Variants in NSD1 observed in about 807,000 individuals in gnomAD.
The protein encoded by NSD1 is nuclear receptor binding SET domain protein 1.
Under a neutral mutation model 242.7 loss-of-function variants are expected in NSD1, and 26 were observed. The ratio of observed to expected loss-of-function variants is 0.11; its 90% CI spans 0.08 to 0.15. The LOEUF is 0.15. NSD1 is among the 10% of genes least tolerant of loss of function. The pLI is 1.00. For synonymous variants in NSD1, 1,106 were observed against 1,178.1 expected (o/e 0.94, Z 1.25); for missense variants, 2,495 against 3,272.8 (o/e 0.76, Z 5.80).
intron 5 of NSD1, among the ~76,000 whole-genome samples, chr5:177,214,666 AC>A (rs201732876): frequency 2.8e-5 from 3 of 106,546 alleles, no homozygotes; most frequent in African/African-American, 7.2e-5. Flanking sequence ...TGACAGGATC[AC>A]CTTTTTTTTT....
At chr5:177,158,286 TTTCTTTCTTTC>T (rs1245866333) in intron 2 of NSD1, among the ~76,000 whole-genome samples, 9 of 87,422 alleles carry the variant, frequency 1.0e-4, no homozygotes, top group African/African-American at 4.2e-4. Flanking sequence ...TCTTTCTTTC[TTTCTTTCTTTC>T]TTTCTTTTCT....
chr5:177,213,129 G>C (rs1283690833), intron 5 of NSD1, among the ~76,000 whole-genome samples: 1 of 152,206 alleles, frequency 6.6e-6, no homozygotes, highest in Non-Finnish European at 1.5e-5. Context: ...GTACCTAGCA[G>C]CAGATGGAAA....
chr5:177,230,939 G>A (rs143482065), intron 5 of NSD1, among the ~76,000 whole-genome samples: 154 of 152,226 alleles, frequency 1.0e-3, no homozygotes, highest in African/African-American at 3.6e-3. Flanking sequence ...GGGGGTTAGT[G>A]ATGGATGGGG....
At chr5:177,250,643 G>A (rs574824255) in intron 11 of NSD1, among the ~76,000 whole-genome samples, 2 of 151,374 alleles carry the variant, frequency 1.3e-5, no homozygotes, top group African/African-American at 4.9e-5. Flanking sequence ...CTATTTTTCA[G>A]TTTTTATATG....
chr5:177,215,396 G>A (rs752426947), intron 5 of NSD1, among the ~76,000 whole-genome samples: 3 of 151,358 alleles, frequency 2.0e-5, no homozygotes, highest in East Asian at 2.0e-4. Flanking sequence ...GGCTGGTGTC[G>A]AACTCCTGAC....
chr5:177,135,487 G>A lies in NSD1; in HGVS notation c.384G>A (p.Gln128=). The A allele has an allele frequency of 6.2e-7, 1 of 1,614,166 alleles. No homozygotes were observed. Among genetic ancestry groups the A allele is most frequent in the Non-Finnish European group, 8.5e-7 (1 of 1,180,040 alleles). ...PGGPTALAMK[Q]EPSCNNSPEL... ...GTCCTACAGCACTTGCTATGAAACA[G>A]GAACCCTCTTGTAATAACTCCCCTG... The change falls in exon 2 of 23, where the codon CAG becomes CAA. Residue 128 remains glutamine (Q), a synonymous_variant. Transcript: ENST00000439151.
At chr5:177,237,496 A>AT (rs11315002) in intron 6 of NSD1, among the ~76,000 whole-genome samples, 24,772 of 147,984 alleles carry the variant, frequency 0.17, 2,728 homozygotes, top group Middle Eastern at 0.26. Flanking sequence ...TGGTTAAAAA[A>AT]ATATATATAT....
intron 2 of NSD1, among the ~76,000 whole-genome samples, chr5:177,164,453 G>A (rs765574932): frequency 2.0e-5 from 3 of 151,766 alleles, no homozygotes; most frequent in African/African-American, 4.8e-5. Flanking sequence ...CACTGCGCCC[G>A]GGCTCAAAAT....
chr5:177,242,770 C>A, intron 8 of NSD1, among the ~76,000 whole-genome samples: 1 of 152,132 alleles, frequency 6.6e-6, no homozygotes, highest in Non-Finnish European at 1.5e-5. Flanking sequence ...CTCAGGTGAT[C>A]CGCCTGCCTC....
chr5:177,273,901 G>C (rs913301037), intron 17 of NSD1, 117 bp downstream of exon 17: 2 of 708,714 alleles, frequency 2.8e-6, no homozygotes, highest in Non-Finnish European at 5.0e-6. Context: ...GTAGAGGTAT[G>C]AGCTTAAAAG....
intron 3 of NSD1, among the ~76,000 whole-genome samples, chr5:177,202,435 G>A (rs778861791): frequency 3.3e-5 from 5 of 152,140 alleles, no homozygotes; most frequent in Admixed American, 6.5e-5. Context: ...GTGGAGTGCA[G>A]TGGCGTGATA....
rs894267520 is a variant in NSD1, at chr5:177,296,191, G to A, written c.*732G>A. ...AAGGGTGCTGCATTGAGGCCAGCAA[G>A]GCTGTTGGCTGTGGGGTCGCCGCTG... On this transcript the variant is annotated 3_prime_UTR_variant, in exon 23 of 23. Coordinates refer to ENST00000439151, the MANE Select transcript of NSD1 (RefSeq NM_022455.5). 1 of 236,712 alleles carries A rather than the reference G, an allele frequency of 4.2e-6. No homozygotes were observed. Among genetic ancestry groups the A allele is most frequent in the African/African-American group, 2.2e-5 (1 of 45,378 alleles). The allele number at this position is 236,712 out of a possible 1,614,324, so 14.7% of individuals were successfully genotyped here. A position where few individuals can be genotyped will look rare whatever the true frequency, so the allele number is the denominator to read the frequency against.
chr5:177,174,104 C>A (rs971371168), intron 2 of NSD1, among the ~76,000 whole-genome samples: 11 of 151,656 alleles, frequency 7.3e-5, no homozygotes, highest in African/African-American at 2.7e-4. Context: ...CGGTGGCTCA[C>A]GCCTGTAATC....
At chr5:177,169,715 C>G (rs773348541) in intron 2 of NSD1, 1 of 152,134 alleles carries the variant, frequency 6.6e-6, no homozygotes, top group Non-Finnish European at 1.5e-5. Flanking sequence ...ATAAAATAAA[C>G]AAGTAATAAG....
At chr5:177,151,550 G>A (rs1280807329) in intron 2 of NSD1, among the ~76,000 whole-genome samples, 4 of 151,818 alleles carry the variant, frequency 2.6e-5, no homozygotes, top group African/African-American at 7.3e-5. Flanking sequence ...CACCACGCCC[G>A]GCTAATTTTT....
chr5:177,257,539 A>G (rs1362823184), intron 13 of NSD1, among the ~76,000 whole-genome samples: 1 of 151,616 alleles, frequency 6.6e-6, no homozygotes, highest in African/African-American at 2.4e-5. Context: ...CCGGCAACAG[A>G]TATTTTCAAA....
At chr5:177,141,484 C>G (rs1756816173) in intron 2 of NSD1, among the ~76,000 whole-genome samples, 1 of 151,568 alleles carries the variant, frequency 6.6e-6, no homozygotes, top group Admixed American at 6.6e-5. Context: ...GCGCCCTCCA[C>G]CATGCTTGGC....
In NSD1 at chr5:177,151,481, C is replaced by T. The variant is rs533902759; in HGVS notation, c.927+15451C>T. On this transcript the variant is annotated intron_variant, in intron 2 of 22. Coordinates refer to ENST00000439151, the MANE Select transcript of NSD1 (RefSeq NM_022455.5). ...TCGGCTCCCTGCAACTTCTGCCTCC[C>T]GGGTTCAAGCGATTCACCTACCTCA... 4.5e-4 allele frequency among the ~76,000 whole-genome samples: 69 copies of T among 152,096 alleles called. 3 individuals are homozygous for T. The East Asian group carries it at 0.013, about 28-fold the overall frequency.
chr5:177,295,558 G>T lies in NSD1; in HGVS notation c.*99G>T, dbSNP rs1351517205. The T allele has an allele frequency of 1.3e-5, 16 of 1,214,748 alleles. No homozygotes were observed. The highest frequency in any genetic ancestry group is 3.0e-5 in the African/African-American group (2 of 66,318). The allele number at this position is 1,214,748 out of a possible 1,614,324, so 75.2% of individuals were successfully genotyped here. ...TTCCCCCTTAAAAAAAAACACATCT[G>T]CCCCGAACACTTTCCCACTGTTATT... On this transcript the variant is annotated 3_prime_UTR_variant, in exon 23 of 23. Coordinates refer to ENST00000439151, the MANE Select transcript of NSD1 (RefSeq NM_022455.5). This position sits in a 1 kb window ranked among gnomAD's most constrained non-coding sequence, Gnocchi z 4.3.
Sources: gnomAD v4.1 joint callset for allele counts (sites outside exome capture counted in the v4.1 genomes callset) on GRCh38, gnomAD v4.1.1 for gene constraint, Gnocchi (gnomAD v3.1) non-coding constraint, MANE v1.5 for transcripts, NCBI Gene and HGNC (gene_info 2026-07-23, HGNC 2026-07-21) for gene names.